SH3GL2: variants seen among roughly 807,000 people sequenced by gnomAD.
SH3GL2 encodes the protein endophilin-A1.
SH3GL2 carries 24 observed loss-of-function variants against 46.0 expected under a neutral mutation model. The observed-to-expected ratio is 0.52, with a 90% CI of 0.38 to 0.73. SH3GL2 has a LOEUF of 0.73. Ranked by LOEUF, SH3GL2 falls within the 30% of genes least tolerant of loss-of-function variation. SH3GL2 has a pLI of 0.00. For synonymous variants in SH3GL2, 196 were observed against 147.1 expected (o/e 1.33, Z -2.40); for missense variants, 413 against 424.2 (o/e 0.97, Z 0.23).
intron 2 of SH3GL2, among the ~76,000 whole-genome samples, chr9:17,760,045 T>C (rs910322718): frequency 3.3e-5 from 5 of 152,172 alleles, no homozygotes; most frequent in East Asian, 1.9e-4. Flanking sequence ...CCTTCACATA[T>C]GGCTTCACAA....
intron 1 of SH3GL2, among the ~76,000 whole-genome samples, chr9:17,614,413 T>G (rs1412068852): frequency 1.3e-5 from 2 of 151,562 alleles, no homozygotes; most frequent in Non-Finnish European, 2.9e-5. Context: ...ATTGAGCCCT[T>G]GTGTCAAGGA....
chr9:17,758,952 G>A (rs1045813936), intron 2 of SH3GL2, among the ~76,000 whole-genome samples: 1 of 152,124 alleles, frequency 6.6e-6, no homozygotes, highest in Non-Finnish European at 1.5e-5. Context: ...GGGACCAAAT[G>A]TAATAATCTA....
chr9:17,751,587 A>G (rs573378778), intron 2 of SH3GL2, among the ~76,000 whole-genome samples: 1 of 152,160 alleles, frequency 6.6e-6, no homozygotes, highest in East Asian at 1.9e-4. Flanking sequence ...GTTGGAACAC[A>G]CACTGACCTG....
intron 3 of SH3GL2, among the ~76,000 whole-genome samples, chr9:17,764,941 G>C (rs34384549): frequency 1.8e-3 from 17 of 9,402 alleles, no homozygotes; most frequent in Admixed American, 3.3e-3. Flanking sequence ...CAGGCCAGGG[G>C]AATCAGTAGG....
At chr9:17,683,769 C>T (rs1321605670) in intron 1 of SH3GL2, among the ~76,000 whole-genome samples, 1 of 151,960 alleles carries the variant, frequency 6.6e-6, no homozygotes, top group Non-Finnish European at 1.5e-5. Context: ...AAAGGGAAGA[C>T]CTAAAGCTGA....
chr9:17,595,633 AAAC>A (rs1818555987), intron 1 of SH3GL2, among the ~76,000 whole-genome samples: 1 of 152,218 alleles, frequency 6.6e-6, no homozygotes, highest in South Asian at 2.1e-4. Context: ...GAAAAATTGT[AAAC>A]AACCTCAATA....
intron 3 of SH3GL2, among the ~76,000 whole-genome samples, chr9:17,771,963 A>G (rs1823493710): frequency 6.6e-6 from 1 of 152,194 alleles, no homozygotes; most frequent in Admixed American, 6.5e-5. Flanking sequence ...AAGAAACAAC[A>G]TAGATGTGAG....
chr9:17,655,303 C>T (rs111584403), intron 1 of SH3GL2, among the ~76,000 whole-genome samples: 25 of 152,202 alleles, frequency 1.6e-4, no homozygotes, highest in Middle Eastern at 3.4e-3. Flanking sequence ...AAGGGGTGTA[C>T]GTGCTGTGTT....
At chr9:17,707,645 A>T (rs1057097114) in intron 1 of SH3GL2, among the ~76,000 whole-genome samples, 2 of 152,102 alleles carry the variant, frequency 1.3e-5, no homozygotes, top group Non-Finnish European at 2.9e-5. Context: ...TCATTAACTG[A>T]TGTGAAAAAC....
chr9:17,726,330 G>A (rs999715279), intron 1 of SH3GL2, among the ~76,000 whole-genome samples: 1 of 152,098 alleles, frequency 6.6e-6, no homozygotes, highest in African/African-American at 2.4e-5. Flanking sequence ...TTATATCTTT[G>A]TGTTCCCTGT....
chr9:17,586,416 C>T (rs903912869), intron 1 of SH3GL2, among the ~76,000 whole-genome samples: 3 of 152,002 alleles, frequency 2.0e-5, no homozygotes, highest in Non-Finnish European at 4.4e-5. Context: ...TTTTATAATT[C>T]AAACTAACCT....
intron 1 of SH3GL2, among the ~76,000 whole-genome samples, chr9:17,683,596 C>G (rs140729357): frequency 1.4e-3 from 207 of 152,142 alleles, no homozygotes; most frequent in African/African-American, 4.7e-3. Context: ...TACCCCTATA[C>G]CCAGGCAAAC....
intron 1 of SH3GL2, among the ~76,000 whole-genome samples, chr9:17,734,184 C>G (rs146604904): frequency 6.6e-6 from 1 of 152,230 alleles, no homozygotes; most frequent in Non-Finnish European, 1.5e-5. Flanking sequence ...GCCATTTAGA[C>G]TAATTGCCCT....
chr9:17,622,986 G>GTTCCTTTCCTTTCCTTTCCTTTCC lies in SH3GL2; in HGVS notation c.45+43701_45+43702insCCTTTCCTTTCCTTTCCTTTCCTT, dbSNP rs1554631076. ...CTCCCTTTTCCTTTCGTTTCCTTTCGTTTCCTTTCCTTTCCTTTCCTTTCC... is the reference window on the plus strand; with the variant it reads ...CTCCCTTTTCCTTTCGTTTCCTTTCGTTCCTTTCCTTTCCTTTCCTTTCCTTTCCTTTCCTTTCCTTTCCTTTCC... On this transcript the variant is annotated intron_variant, in intron 1 of 8. Transcript: ENST00000380607. Among the ~76,000 whole-genome samples the GTTCCTTTCCTTTCCTTTCCTTTCC allele has an allele frequency of 3.0e-4, 30 of 99,410 alleles. 4 individuals carry two copies. Among genetic ancestry groups the GTTCCTTTCCTTTCCTTTCCTTTCC allele is most frequent in the East Asian group, 2.2e-3 (8 of 3,690 alleles). 65.2% of individuals were successfully genotyped at this position (99,410 alleles called of 152,430 possible).
chr9:17,764,609 A>C (rs1028885969), intron 3 of SH3GL2, among the ~76,000 whole-genome samples: 2 of 152,092 alleles, frequency 1.3e-5, no homozygotes, highest in African/African-American at 4.8e-5. Context: ...AGGCCAGGGG[A>C]ATCAGTAGGA....
At chr9:17,751,385 G>A (rs1822837867) in intron 2 of SH3GL2, among the ~76,000 whole-genome samples, 1 of 152,144 alleles carries the variant, frequency 6.6e-6, no homozygotes, top group South Asian at 2.1e-4. Context: ...TAGAATTAAT[G>A]AGTAGAAACC....
At chr9:17,672,389 A>T (rs1820496384) in intron 1 of SH3GL2, among the ~76,000 whole-genome samples, 1 of 152,150 alleles carries the variant, frequency 6.6e-6, no homozygotes, top group Admixed American at 6.5e-5. Flanking sequence ...TAGTCAGCTG[A>T]ATTCCAAGGT....
Position 17,747,101 on chromosome 9 carries a change from C to T in SH3GL2, c.81C>T (p.Thr27=), listed in dbSNP as rs762179451. ...VSEKVGGAEG[T]KLDDDFKEME... ...AGAAGGTTGGAGGAGCTGAAGGAAC[C>T]AAGCTAGATGATGACTTCAAAGAGA... Residue 27 remains threonine (T), a synonymous_variant, in exon 2 of 9, where the codon ACC becomes ACT. Coordinates refer to ENST00000380607, the MANE Select transcript of SH3GL2 (RefSeq NM_003026.5). 7.5e-6 allele frequency: 12 copies of T among 1,610,172 alleles called. No homozygotes were observed. In the East Asian group the frequency reaches 1.8e-4, roughly 24 times the overall value.
intron 1 of SH3GL2, among the ~76,000 whole-genome samples, chr9:17,730,000 A>G (rs1244364544): frequency 6.6e-6 from 1 of 152,168 alleles, no homozygotes; most frequent in Non-Finnish European, 1.5e-5. Context: ...CTGTGAAGAA[A>G]GTCAATGGCA....
Sources: gnomAD v4.1 joint callset for allele counts (sites outside exome capture counted in the v4.1 genomes callset) on GRCh38, gnomAD v4.1.1 for gene constraint, MANE v1.5 for transcripts, NCBI Gene and HGNC (gene_info 2026-07-23, HGNC 2026-07-21) for gene names.